The following LRFN5 variants were observed in gnomAD, a reference collection of about 807,000 sequenced individuals.
LRFN5 encodes the protein leucine-rich repeat and fibronectin type-III domain-containing protein 5.
Under a neutral mutation model 45.6 loss-of-function variants are expected in LRFN5, and 24 were observed. The observed-to-expected ratio is 0.53, with a 90% CI of 0.38 to 0.74. The LOEUF (loss-of-function observed/expected upper bound fraction) is 0.74, where lower values mean the gene tolerates loss of function less well. LRFN5 is among the 30% of genes least tolerant of loss of function. LRFN5 has a pLI of 0.00. For missense variants in LRFN5, 776 were observed against 861.5 expected, an observed-to-expected ratio of 0.90 and a Z score of 1.24; for synonymous variants, 340 against 313.8, an observed-to-expected ratio of 1.08 and a Z score of -0.88.
At chr14:41,881,231 G>A (rs2139138738) in intron 2 of LRFN5, among the ~76,000 whole-genome samples, 1 of 152,116 alleles carries the variant, frequency 6.6e-6, no homozygotes, top group East Asian at 1.9e-4. Context: ...CAGAATATCT[G>A]AGATAAATTT....
At chr14:41,831,225 TA>T (rs1190554536) in intron 2 of LRFN5, among the ~76,000 whole-genome samples, 5 of 152,232 alleles carry the variant, frequency 3.3e-5, no homozygotes, top group African/African-American at 1.2e-4. Flanking sequence ...TAATAATGTT[TA>T]TTTTTTTACT....
At chr14:41,777,167 C>T (rs996542341) in intron 2 of LRFN5, among the ~76,000 whole-genome samples, 1 of 151,800 alleles carries the variant, frequency 6.6e-6, no homozygotes, top group East Asian at 1.9e-4. Flanking sequence ...ATTGCCTTGC[C>T]TAATGTTGAT....
intron 2 of LRFN5, among the ~76,000 whole-genome samples, chr14:41,771,244 T>A (rs749516886): frequency 2.0e-5 from 3 of 150,936 alleles, no homozygotes; most frequent in Admixed American, 1.3e-4. Flanking sequence ...GAATGGTTTC[T>A]GGGAGCAGGC....
At chr14:41,752,637 T>G (rs1240300737) in intron 1 of LRFN5, among the ~76,000 whole-genome samples, 2 of 152,350 alleles carry the variant, frequency 1.3e-5, no homozygotes, top group East Asian at 1.9e-4. Context: ...TAAATTTGTT[T>G]CAGTTCATTG....
chr14:41,883,194 A>C (rs1028651084), intron 2 of LRFN5, among the ~76,000 whole-genome samples: 2 of 146,412 alleles, frequency 1.4e-5, no homozygotes, highest in African/African-American at 2.5e-5. Flanking sequence ...TGGAAGTTAG[A>C]TTCTTTAAGT....
Position 41,731,246 on chromosome 14 carries a change from A to G in LRFN5, c.-196-35608A>G, listed in dbSNP as rs1365630535. On this transcript the variant is annotated intron_variant, in intron 1 of 5. Coordinates refer to ENST00000298119, the MANE Select transcript of LRFN5 (RefSeq NM_152447.5). ...TTTGGGTTTTTATTTATATTTTCAG[A>G]TCATATGAATTTACGGGATCTTTTT... 2.0e-5 allele frequency: 3 copies of G among 151,682 alleles called. No homozygotes were observed. In the East Asian group the frequency reaches 5.8e-4, roughly 29 times the overall value. The allele number at this position is 151,682 out of a possible 1,614,324, so 9.4% of individuals were successfully genotyped here. A position where few individuals can be genotyped will look rare whatever the true frequency, so the allele number is the denominator to read the frequency against.
chr14:41,831,395 C>G (rs1212222596), intron 2 of LRFN5, among the ~76,000 whole-genome samples: 1 of 152,098 alleles, frequency 6.6e-6, no homozygotes, highest in East Asian at 1.9e-4. Context: ...AACACACATT[C>G]TATACATACC....
At chr14:41,687,097 A>G (rs1594616244) in intron 1 of LRFN5, among the ~76,000 whole-genome samples, 1 of 152,320 alleles carries the variant, frequency 6.6e-6, no homozygotes, top group Middle Eastern at 3.4e-3. Flanking sequence ...CAATGTACCT[A>G]TCTGACAAAG....
Position 41,823,080 on chromosome 14 carries a change from A to T in LRFN5, c.-21+56051A>T, listed in dbSNP as rs186247722. Among the ~76,000 whole-genome samples, 851 of 146,946 alleles carry T rather than the reference A, an allele frequency of 5.8e-3. 6 individuals are homozygous for T. The highest frequency in any genetic ancestry group is 0.045 in the South Asian group (215 of 4,784). ...AGCAGCATATGGTTGAATCTTTTTT[A>T]AAAAAAAATCCATTCTGCTCATCTA... On this transcript the variant is annotated intron_variant, in intron 2 of 5. Transcript: ENST00000298119.
At chr14:41,616,664 C>T (rs1887934750) in intron 1 of LRFN5, among the ~76,000 whole-genome samples, 1 of 152,008 alleles carries the variant, frequency 6.6e-6, no homozygotes, top group South Asian at 2.1e-4. Context: ...ACTAAGTATC[C>T]TGGTAGAATG....
intron 1 of LRFN5, among the ~76,000 whole-genome samples, chr14:41,710,694 C>T (rs1283960878): frequency 6.6e-6 from 1 of 152,070 alleles, no homozygotes; most frequent in Non-Finnish European, 1.5e-5. Flanking sequence ...TATGTATACA[C>T]ATGCCAAGCT....
intron 1 of LRFN5, among the ~76,000 whole-genome samples, chr14:41,690,200 A>T (rs569495835): frequency 6.9e-6 from 1 of 145,202 alleles, no homozygotes; most frequent in Admixed American, 7.1e-5. Flanking sequence ...CATCATAGGC[A>T]TGTATAATTA....
chr14:41,696,884 C>A (rs1279908505), intron 1 of LRFN5, among the ~76,000 whole-genome samples: 1 of 151,878 alleles, frequency 6.6e-6, no homozygotes, highest in East Asian at 1.9e-4. Flanking sequence ...AAAGTGTTCA[C>A]CACATTGTCC....
chr14:41,777,615 A>AT (rs1245354391), intron 2 of LRFN5, among the ~76,000 whole-genome samples: 1 of 151,734 alleles, frequency 6.6e-6, no homozygotes, highest in Non-Finnish European at 1.5e-5. Context: ...TCCTTATATT[A>AT]TTTTTTCATC....
chr14:41,772,974 A>G (rs1380748422), intron 2 of LRFN5, among the ~76,000 whole-genome samples: 1 of 152,182 alleles, frequency 6.6e-6, no homozygotes, highest in Non-Finnish European at 1.5e-5. Context: ...TAAATTATTT[A>G]CAATACCCAG....
intron 3 of LRFN5, among the ~76,000 whole-genome samples, chr14:41,890,694 G>A (rs1380104261): frequency 6.9e-6 from 1 of 144,652 alleles, no homozygotes; most frequent in East Asian, 2.0e-4. Flanking sequence ...GCGACAGAGC[G>A]AGACTCCGTC....
Position 41,818,466 on chromosome 14 carries a change from C to CAT in LRFN5, c.-21+51446_-21+51447dup, listed in dbSNP as rs572241961. On this transcript the variant is annotated intron_variant, in intron 2 of 5. Coordinates refer to ENST00000298119, the MANE Select transcript of LRFN5 (RefSeq NM_152447.5). ...GTTTAATAACTAAATATATCATTTA[C>CAT]ATATATATATCATATACATATGATA... Among the ~76,000 whole-genome samples the CAT allele has an allele frequency of 2.1e-3, 318 of 151,818 alleles. 1 individual carries two copies. The highest frequency in any genetic ancestry group is 3.7e-3 in the East Asian group (19 of 5,170).
rs988140553 is a variant in LRFN5, at chr14:41,803,353, CT to C, written c.-21+36334del. The stretch of plus-strand genomic sequence containing the variant: ...GAGCAGTGCATTTATGTGCATATAG[CT>C]TTTTTTTTTCTTTTTGAGACAGGGT... On this transcript the variant is annotated intron_variant, in intron 2 of 5. Coordinates refer to ENST00000298119, the MANE Select transcript of LRFN5 (RefSeq NM_152447.5). Among the ~76,000 whole-genome samples the C allele has an allele frequency of 1.3e-4, 19 of 148,676 alleles. No homozygotes were observed. The Middle Eastern group carries it at 0.01, about 82-fold the overall frequency.
At chr14:41,782,314 G>A (rs1052023151) in intron 2 of LRFN5, among the ~76,000 whole-genome samples, 2 of 151,416 alleles carry the variant, frequency 1.3e-5, no homozygotes, top group Non-Finnish European at 2.9e-5. Context: ...GCTTTATCCT[G>A]TTTACTGTTG....
Sources: allele counts gnomAD v4.1 joint callset (sites outside exome capture counted in the v4.1 genomes callset), GRCh38; gene constraint gnomAD v4.1.1; transcripts MANE v1.5; gene names NCBI Gene and HGNC (gene_info 2026-07-23, HGNC 2026-07-21).